MDGA2: variants seen among roughly 807,000 people sequenced by gnomAD.
MDGA2 encodes the protein MAM domain-containing glycosylphosphatidylinositol anchor protein 2.
A neutral mutation model predicts 117.8 loss-of-function variants in MDGA2; 40 were observed. The ratio of observed to expected loss-of-function variants is 0.34; its 90% CI spans 0.26 to 0.44. The LOEUF (loss-of-function observed/expected upper bound fraction) is 0.44. Ranked by LOEUF, MDGA2 falls within the 20% of genes least tolerant of loss-of-function variation. The probability of loss-of-function intolerance (pLI) is 1.00; values close to 1 mark genes in which losing one functional copy is unlikely to be tolerated. For missense variants in MDGA2, 1,123 were observed against 1,250.6 expected, an observed-to-expected ratio of 0.90 and a Z score of 1.54; for synonymous variants, 452 against 439.0, an observed-to-expected ratio of 1.03 and a Z score of -0.37.
chr14:47,189,266 A>T (rs1053635264), intron 3 of MDGA2, among the ~76,000 whole-genome samples: 3 of 152,016 alleles, frequency 2.0e-5, no homozygotes, highest in African/African-American at 7.2e-5. Context: ...ACACACGCTA[A>T]ACTATATGAA....
chr14:47,076,252 G>GA (rs1044730882), intron 6 of MDGA2, among the ~76,000 whole-genome samples: 5 of 150,570 alleles, frequency 3.3e-5, no homozygotes, highest in Non-Finnish European at 7.4e-5. Context: ...ACATGCAGAG[G>GA]AAAAAAAACT....
intron 8 of MDGA2, among the ~76,000 whole-genome samples, chr14:47,015,336 T>C (rs528811475): frequency 5.1e-5 from 7 of 136,532 alleles, no homozygotes; most frequent in Non-Finnish European, 9.6e-5. Context: ...AAAAAAAAAA[T>C]GGCACCATAG....
chr14:47,122,037 T>G (rs910355209), intron 5 of MDGA2, among the ~76,000 whole-genome samples: 1 of 152,036 alleles, frequency 6.6e-6, no homozygotes, highest in East Asian at 1.9e-4. Context: ...TGTGTACTTA[T>G]GGGCTGCATC....
chr14:47,640,423 C>T (rs972874489), intron 1 of MDGA2, among the ~76,000 whole-genome samples: 4 of 152,120 alleles, frequency 2.6e-5, no homozygotes, highest in Non-Finnish European at 5.9e-5. Context: ...TCCAATTTTA[C>T]CCCACTAGTC....
chr14:46,954,134 T>A (rs1885471944), intron 9 of MDGA2, among the ~76,000 whole-genome samples: 2 of 152,100 alleles, frequency 1.3e-5, no homozygotes, highest in Admixed American at 1.3e-4. Flanking sequence ...CAGGTTGATT[T>A]TCCTCATTGA....
chr14:46,894,095 G>A (rs994497445), intron 10 of MDGA2, among the ~76,000 whole-genome samples: 1 of 151,792 alleles, frequency 6.6e-6, no homozygotes, highest in Non-Finnish European at 1.5e-5. Context: ...ATATTTTTGA[G>A]GACTCACTAT....
At chr14:47,306,421 G>A (rs1889446770) in intron 1 of MDGA2, among the ~76,000 whole-genome samples, 1 of 152,144 alleles carries the variant, frequency 6.6e-6, no homozygotes, top group African/African-American at 2.4e-5. Flanking sequence ...GATGAGAAAT[G>A]TTTCTGATGA....
intron 2 of MDGA2, among the ~76,000 whole-genome samples, chr14:47,271,149 C>G (rs1888130650): frequency 6.6e-6 from 1 of 152,178 alleles, no homozygotes; most frequent in South Asian, 2.1e-4. Flanking sequence ...TATCTGCACC[C>G]CAAACCTTTC....
At chr14:47,382,142 GCTAGCCAT>G (rs1310524723) in intron 1 of MDGA2, among the ~76,000 whole-genome samples, 1 of 152,130 alleles carries the variant, frequency 6.6e-6, no homozygotes, top group Non-Finnish European at 1.5e-5. Flanking sequence ...GGGAAAACTG[GCTAGCCAT>G]ACGTAGAAAG....
Position 47,035,032 on chromosome 14 carries a change from A to G in MDGA2, c.1798T>C (p.Leu600=), listed in dbSNP as rs1264187557. The change falls in exon 8 of 17, where the codon TTG becomes CTG. Residue 600 remains leucine, a synonymous_variant. Coordinates refer to ENST00000399232, the MANE Select transcript of MDGA2 (RefSeq NM_001113498.3). ...NGFNVKPREA[L]VQLIVQYPPA... is the part of the protein sequence containing the mutation. ...TTACACTGAACGATGAGCTGCACCA[A>G]GGCTTCCCTTGGTTTCACGTTAAAT... is the stretch of plus-strand genomic sequence containing the variant. The G allele has an allele frequency of 6.2e-7, 1 of 1,613,578 alleles. No individual in the cohort carries two copies. The highest frequency in any genetic ancestry group is 8.5e-7 in the Non-Finnish European group (1 of 1,179,766).
chr14:47,311,860 T>G (rs1363685426), intron 1 of MDGA2, among the ~76,000 whole-genome samples: 2 of 152,154 alleles, frequency 1.3e-5, no homozygotes, highest in African/African-American at 4.8e-5. Context: ...ATATATATTA[T>G]AATTTCATTT....
intron 1 of MDGA2, among the ~76,000 whole-genome samples, chr14:47,365,249 C>T (rs1891207707): frequency 6.6e-6 from 1 of 152,248 alleles, no homozygotes; most frequent in Non-Finnish European, 1.5e-5. Context: ...ACATGCCTTT[C>T]TGAGCACAGC....
intron 3 of MDGA2, among the ~76,000 whole-genome samples, chr14:47,210,577 GT>G (rs920582581): frequency 2.0e-5 from 3 of 151,758 alleles, no homozygotes; most frequent in African/African-American, 7.3e-5. Flanking sequence ...CTATGAAACC[GT>G]TTTTTTTCCT....
chr14:47,272,233 G>T (rs1888169866), intron 2 of MDGA2, among the ~76,000 whole-genome samples: 1 of 152,086 alleles, frequency 6.6e-6, no homozygotes, highest in Non-Finnish European at 1.5e-5. Context: ...CTTTCTATGG[G>T]CTGCCTCACT....
chr14:47,439,827 G>GTGTC (rs1892969503), intron 1 of MDGA2, among the ~76,000 whole-genome samples: 1 of 151,372 alleles, frequency 6.6e-6, no homozygotes, highest in Non-Finnish European at 1.5e-5. Context: ...GAGTGTGTGT[G>GTGTC]TGTGTGTGTG....
intron 8 of MDGA2, among the ~76,000 whole-genome samples, chr14:47,020,080 C>A (rs1888232302): frequency 6.6e-6 from 1 of 152,116 alleles, no homozygotes; most frequent in Non-Finnish European, 1.5e-5. Flanking sequence ...AAAACTAAAG[C>A]TGCGAATTCA....
intron 1 of MDGA2, among the ~76,000 whole-genome samples, chr14:47,439,082 G>A (rs1037920400): frequency 6.6e-6 from 1 of 151,968 alleles, no homozygotes; most frequent in Non-Finnish European, 1.5e-5. Context: ...GTCTTGCTCA[G>A]CATGCTGTAA....
chr14:47,636,672 C>G (rs8006270), intron 1 of MDGA2, among the ~76,000 whole-genome samples: 97,841 of 150,878 alleles, frequency 0.65, 32,080 homozygotes, highest in African/African-American at 0.71. Flanking sequence ...GTAGTCCCAG[C>G]TACTCAGGAG....
Position 46,920,023 on chromosome 14 carries a change from C to A in MDGA2, c.2227G>T (p.Gly743Cys). The change falls in exon 10 of 17, where the codon GGC becomes TGC. Residue 743 changes from glycine (G) to cysteine (C), a missense_variant. Transcript: ENST00000399232. ...GTTAGATTTCTCACCTGCCTGATGCCCAACCGGTATGCAACAATCCGATCC... is the reference window on the plus strand; with the variant it reads ...GTTAGATTTCTCACCTGCCTGATGCACAACCGGTATGCAACAATCCGATCC... ...AVDRIVAYRLGIRQAGQQRWW... is the reference protein window; with the variant it reads ...AVDRIVAYRLCIRQAGQQRWW... 6.4e-7 allele frequency: 1 copy of A among 1,574,516 alleles called. No individual in the cohort carries two copies. Among genetic ancestry groups the A allele is most frequent in the Middle Eastern group, 1.7e-4 (1 of 5,992 alleles).
Sources: allele counts gnomAD v4.1 joint callset (sites outside exome capture counted in the v4.1 genomes callset), GRCh38; gene constraint gnomAD v4.1.1; transcripts MANE v1.5; gene names NCBI Gene and HGNC (gene_info 2026-07-23, HGNC 2026-07-21).